Variants in FGF12 observed in about 807,000 individuals in gnomAD.
FGF12 encodes the protein fibroblast growth factor 12B.
FGF12 carries 14 observed loss-of-function variants against 23.6 expected under a neutral mutation model. The observed-to-expected ratio is 0.59, with a 90% CI of 0.39 to 0.93. The LOEUF (loss-of-function observed/expected upper bound fraction) is 0.93, where lower values mean the gene tolerates loss of function less well. Among genes scored for constraint, FGF12 ranks in the 40% least tolerant of loss-of-function variants. The pLI, the probability that FGF12 is intolerant of heterozygous loss-of-function variation, is 0.00. For missense variants in FGF12, 175 were observed against 217.8 expected (o/e 0.80, Z 1.24); for synonymous variants, 62 against 77.3 (o/e 0.80, Z 1.04).
At chr3:192,517,305 G>A (rs1047404329) in intron 2 of FGF12, among the ~76,000 whole-genome samples, 5 of 152,196 alleles carry the variant, frequency 3.3e-5, no homozygotes, top group African/African-American at 1.2e-4. Flanking sequence ...AACATAAGGT[G>A]TTATTACCAA....
At chr3:192,305,486 G>A (rs1209629502) in intron 4 of FGF12, among the ~76,000 whole-genome samples, 4 of 151,632 alleles carry the variant, frequency 2.6e-5, no homozygotes, top group Non-Finnish European at 5.9e-5. Context: ...CAGTTTGCTC[G>A]AGTCCCCAGC....
chr3:192,333,939 G>T (rs1253274408), intron 4 of FGF12, among the ~76,000 whole-genome samples: 7 of 151,970 alleles, frequency 4.6e-5, no homozygotes, highest in African/African-American at 1.4e-4. Context: ...AAATGATTTT[G>T]GGGGGGAGTT....
intron 2 of FGF12, among the ~76,000 whole-genome samples, chr3:192,571,396 A>G (rs760230914): frequency 6.6e-6 from 1 of 152,196 alleles, no homozygotes; most frequent in Non-Finnish European, 1.5e-5. Context: ...ACCTTCCTCC[A>G]TTATGCCGAG....
intron 2 of FGF12, among the ~76,000 whole-genome samples, chr3:192,654,450 C>A (rs1245290407): frequency 6.6e-6 from 1 of 152,138 alleles, no homozygotes; most frequent in Admixed American, 6.5e-5. Context: ...TATCAGCAAC[C>A]CAATAGCACT....
Position 192,143,795 on chromosome 3 carries a change from C to T in FGF12, c.*214G>A. 2.1e-6 allele frequency: 1 copy of T among 477,862 alleles called. No individual in the cohort carries two copies. The allele number at this position is 477,862 out of a possible 1,614,324, so 29.6% of individuals were successfully genotyped here. On this transcript the variant is annotated 3_prime_UTR_variant, in exon 6 of 6. Transcript: ENST00000445105. Reference sequence around the variant, plus strand: ...GCTTTTAAGTGTGCTAATCTTTGTGCACGTGAATTTTCTACCACATTGCAA... The same window carrying T: ...GCTTTTAAGTGTGCTAATCTTTGTGTACGTGAATTTTCTACCACATTGCAA...
intron 4 of FGF12, among the ~76,000 whole-genome samples, chr3:192,243,534 GA>G (rs11333066): frequency 0.49 from 70,074 of 143,016 alleles, 17,977 homozygotes; most frequent in East Asian, 0.97. Flanking sequence ...CAGCTTTATG[GA>G]AAAAAAAAAA....
At chr3:192,296,494 G>A (rs997429418) in intron 4 of FGF12, among the ~76,000 whole-genome samples, 10 of 152,208 alleles carry the variant, frequency 6.6e-5, no homozygotes, top group African/African-American at 2.2e-4. Flanking sequence ...AAAGGGGTGG[G>A]ATTACATGTG....
intron 4 of FGF12, among the ~76,000 whole-genome samples, chr3:192,187,777 G>GAAAGAAA (rs941637324): frequency 1.4e-3 from 212 of 151,102 alleles, no homozygotes; most frequent in African/African-American, 4.9e-3. Flanking sequence ...AGAACAGATG[G>GAAAGAAA]AAAGAAAAAA....
At chr3:192,261,726 G>GT (rs913361145) in intron 4 of FGF12, among the ~76,000 whole-genome samples, 98 of 152,246 alleles carry the variant, frequency 6.4e-4, no homozygotes, top group African/African-American at 2.2e-3. Context: ...AAATAGATGA[G>GT]TTTTTTAGTT....
intron 2 of FGF12, among the ~76,000 whole-genome samples, chr3:192,588,349 C>CAAAAAAA (rs1201739223): frequency 1.3e-4 from 9 of 66,940 alleles, no homozygotes; most frequent in East Asian, 4.7e-4. Flanking sequence ...CAATCCGTCT[C>CAAAAAAA]AAAAAAAAAA....
At position 192,189,383 on chromosome 3, in the gene FGF12, T is replaced by C. The variant is rs1577217901; in HGVS notation, c.229-18727A>G. Among the ~76,000 whole-genome samples, 3 of 152,126 alleles carry C rather than the reference T, an allele frequency of 2.0e-5. No homozygotes were observed. The East Asian group carries it at 5.8e-4, about 29-fold the overall frequency. On this transcript the variant is annotated intron_variant, in intron 4 of 5. Coordinates refer to ENST00000445105, the MANE Select transcript of FGF12 (RefSeq NM_004113.6). ...AAACAGAAATTAGCTGGCGACTGAATGCATTTATGTTAGATTAAAAAATGT... is the reference window on the plus strand; with the variant it reads ...AAACAGAAATTAGCTGGCGACTGAACGCATTTATGTTAGATTAAAAAATGT...
intron 4 of FGF12, among the ~76,000 whole-genome samples, chr3:192,200,747 C>T (rs1404740695): frequency 1.3e-5 from 2 of 152,174 alleles, no homozygotes; most frequent in Non-Finnish European, 2.9e-5. Flanking sequence ...GGACAAGATG[C>T]TATCTCGACT....
intron 4 of FGF12, among the ~76,000 whole-genome samples, chr3:192,241,546 A>C (rs998384240): frequency 6.6e-6 from 1 of 152,190 alleles, no homozygotes; most frequent in Non-Finnish European, 1.5e-5. Context: ...TTGAAGAAAC[A>C]GGGGATTTAG....
chr3:192,705,715 T>A (rs1300835199), intron 2 of FGF12, among the ~76,000 whole-genome samples: 2 of 152,156 alleles, frequency 1.3e-5, no homozygotes, highest in African/African-American at 4.8e-5. Context: ...GCACGTGCTT[T>A]AGAAAAATGG....
chr3:192,512,366 G>A (rs993252397), intron 2 of FGF12, among the ~76,000 whole-genome samples: 3 of 151,904 alleles, frequency 2.0e-5, no homozygotes, highest in Admixed American at 6.6e-5. Context: ...AAAAAATATC[G>A]CTTTAAAATA....
At chr3:192,163,654 T>G (rs1434366379) in intron 5 of FGF12, among the ~76,000 whole-genome samples, 1 of 152,294 alleles carries the variant, frequency 6.6e-6, no homozygotes, top group East Asian at 1.9e-4. Flanking sequence ...CAGATCACTT[T>G]GGAGATTTGC....
At chr3:192,484,510 T>C (rs1475836176) in intron 2 of FGF12, among the ~76,000 whole-genome samples, 3 of 152,150 alleles carry the variant, frequency 2.0e-5, no homozygotes, top group African/African-American at 7.2e-5. Context: ...TATTCTATTA[T>C]TGACATATTC....
intron 5 of FGF12, among the ~76,000 whole-genome samples, chr3:192,155,837 C>A (rs921324206): frequency 6.6e-6 from 1 of 152,184 alleles, no homozygotes; most frequent in Non-Finnish European, 1.5e-5. Context: ...AACTCTTAAA[C>A]TGTGGTTCTC....
chr3:192,197,628 G>A (rs184185858), intron 4 of FGF12, among the ~76,000 whole-genome samples: 72 of 152,268 alleles, frequency 4.7e-4, no homozygotes, highest in Admixed American at 1.2e-3. Context: ...CAGATGAAGG[G>A]AGAATAGTGA....
Sources: gnomAD v4.1 joint callset for allele counts (sites outside exome capture counted in the v4.1 genomes callset) on GRCh38, gnomAD v4.1.1 for gene constraint, MANE v1.5 for transcripts, NCBI Gene and HGNC (gene_info 2026-07-23, HGNC 2026-07-21) for gene names.